Variants in ALMS1 observed in about 807,000 individuals in gnomAD.
ALMS1 encodes the protein centrosome-associated protein ALMS1.
Under a neutral mutation model 352.2 loss-of-function variants are expected in ALMS1, and 271 were observed. That is an observed-to-expected ratio of 0.77 (90% CI 0.70 to 0.85). ALMS1 has a LOEUF of 0.85. Among genes scored for constraint, ALMS1 ranks in the 40% least tolerant of loss-of-function variants. The pLI, the probability that ALMS1 is intolerant of heterozygous loss-of-function variation, is 0.00. For missense variants in ALMS1, 5,445 were observed against 4,870.7 expected (o/e 1.12, Z -3.51); for synonymous variants, 1,865 against 1,761.2 (o/e 1.06, Z -1.48).
At chr2:73,576,651 A>G (rs1227293362) in intron 16 of ALMS1, among the ~76,000 whole-genome samples, 10 of 144,936 alleles carry the variant, frequency 6.9e-5, no homozygotes, top group Non-Finnish European at 6.0e-5. Flanking sequence ...ACAGAGTTTC[A>G]CTCTTGTTGC....
chr2:73,393,226 A>T (rs538267617), intron 1 of ALMS1, among the ~76,000 whole-genome samples: 1 of 152,228 alleles, frequency 6.6e-6, no homozygotes, highest in African/African-American at 2.4e-5. Flanking sequence ...TTGACAAGAT[A>T]CAGTCCCTTG....
At chr2:73,487,582 G>A (rs1672879146) in intron 9 of ALMS1, among the ~76,000 whole-genome samples, 2 of 152,148 alleles carry the variant, frequency 1.3e-5, no homozygotes, top group African/African-American at 4.8e-5. Flanking sequence ...CTTGTTCCCT[G>A]CAACATGGCA....
At chr2:73,607,642 A>T (rs990147436) in intron 21 of ALMS1, among the ~76,000 whole-genome samples, 14 of 150,332 alleles carry the variant, frequency 9.3e-5, no homozygotes, top group Admixed American at 4.6e-4. Flanking sequence ...TTATTTTTTT[A>T]TTATTATTAT....
chr2:73,521,313 G>C (rs1219381366), intron 11 of ALMS1, among the ~76,000 whole-genome samples: 1 of 151,994 alleles, frequency 6.6e-6, no homozygotes, highest in Non-Finnish European at 1.5e-5. Flanking sequence ...GACTTTGGCT[G>C]GGCTGGCTGT....
At chr2:73,416,743 T>C (rs1309444457) in intron 2 of ALMS1, among the ~76,000 whole-genome samples, 1 of 152,016 alleles carries the variant, frequency 6.6e-6, no homozygotes, top group Non-Finnish European at 1.5e-5. Context: ...AAAGTTGCTG[T>C]CAATATAATG....
At position 73,490,238 on chromosome 2, in the gene ALMS1, C is replaced by G. The variant is rs754707930; in HGVS notation, c.8279C>G (p.Pro2760Arg). 2 of 1,614,074 alleles carry G rather than the reference C, an allele frequency of 1.2e-6. No individual in the cohort carries two copies. The highest frequency in any genetic ancestry group is 1.7e-6 in the Non-Finnish European group (2 of 1,180,004). The change falls in exon 10 of 23, where the codon CCT (proline) becomes CGT (arginine). Residue 2760 changes from proline to arginine, a missense_variant. Coordinates refer to ENST00000613296, the MANE Select transcript of ALMS1 (RefSeq NM_001378454.1). Reference protein sequence around the residue: ...FNSHFTEEQNPPRDLKQKTSS... With the variant: ...FNSHFTEEQNRPRDLKQKTSS... ...TCTCATTTCACTGAAGAACAAAATCCTCCCAGAGATCTTAAACAGAAAACC... is the reference window on the plus strand; with the variant it reads ...TCTCATTTCACTGAAGAACAAAATCGTCCCAGAGATCTTAAACAGAAAACC...
chr2:73,609,218 G>A (rs1416768349), intron 22 of ALMS1, among the ~76,000 whole-genome samples: 1 of 152,200 alleles, frequency 6.6e-6, no homozygotes. Flanking sequence ...TCTGGAGCAG[G>A]CCCCAGAACC....
intron 12 of ALMS1, among the ~76,000 whole-genome samples, chr2:73,546,631 C>T (rs964658662): frequency 7.2e-5 from 11 of 152,080 alleles, no homozygotes; most frequent in Admixed American, 2.0e-4. Flanking sequence ...TTTTGTTTTA[C>T]GAACTTATGA....
intron 12 of ALMS1, among the ~76,000 whole-genome samples, chr2:73,544,820 A>G (rs1674278631): frequency 1.3e-5 from 2 of 152,228 alleles, no homozygotes; most frequent in Admixed American, 6.5e-5. Context: ...CTATTGATCT[A>G]TGAATGGATA....
At chr2:73,434,647 T>G (rs1572921185) in intron 7 of ALMS1, among the ~76,000 whole-genome samples, 1 of 152,234 alleles carries the variant, frequency 6.6e-6, no homozygotes, top group African/African-American at 2.4e-5. Flanking sequence ...GTCTTCTGAC[T>G]AGCTGTTTTC....
chr2:73,491,154 T>C lies in ALMS1; in HGVS notation c.9195T>C (p.Asp3065=), dbSNP rs1019479968. The C allele has an allele frequency of 1.2e-6, 2 of 1,614,200 alleles. No homozygotes were observed. Among genetic ancestry groups the C allele is most frequent in the Admixed American group, 3.3e-5 (2 of 60,026 alleles). ...CCAAGTTGGATAGTGGAACTTTAGATGAAAGATTCCATTCATTGGATGCTG... is the reference window on the plus strand; with the variant it reads ...CCAAGTTGGATAGTGGAACTTTAGACGAAAGATTCCATTCATTGGATGCTG... ...TSSKLDSGTL[D]ERFHSLDAAS... is the part of the protein sequence containing the mutation. The change falls in exon 10 of 23, where the codon GAT becomes GAC. Residue 3065 remains aspartate, a synonymous_variant. Coordinates refer to ENST00000613296, the MANE Select transcript of ALMS1 (RefSeq NM_001378454.1).
intron 2 of ALMS1, among the ~76,000 whole-genome samples, chr2:73,417,791 TATC>T (rs2103697807): frequency 6.6e-6 from 1 of 152,320 alleles, no homozygotes; most frequent in South Asian, 2.1e-4. Flanking sequence ...AATACTTTCA[TATC>T]ATGATAGACT....
At chr2:73,461,461 A>C (rs986188114) in intron 9 of ALMS1, among the ~76,000 whole-genome samples, 1 of 152,366 alleles carries the variant, frequency 6.6e-6, no homozygotes, top group Non-Finnish European at 1.5e-5. Flanking sequence ...TCTGTACGTC[A>C]CCATCATCAA....
chr2:73,521,285 A>T (rs951865828), intron 11 of ALMS1, among the ~76,000 whole-genome samples: 2 of 152,136 alleles, frequency 1.3e-5, no homozygotes, highest in Non-Finnish European at 2.9e-5. Flanking sequence ...TCTTACTCAC[A>T]GGCTTATGGG....
chr2:73,544,163 A>C (rs1243548135), intron 12 of ALMS1, among the ~76,000 whole-genome samples: 1 of 152,212 alleles, frequency 6.6e-6, no homozygotes, highest in African/African-American at 2.4e-5. Flanking sequence ...TGGCACATAT[A>C]CACCATGGAA....
At chr2:73,566,770 C>G (rs1220437378) in intron 15 of ALMS1, among the ~76,000 whole-genome samples, 2 of 152,202 alleles carry the variant, frequency 1.3e-5, no homozygotes, top group Non-Finnish European at 1.5e-5. Context: ...GCTTGGCCTC[C>G]TATACTTCTG....
At chr2:73,518,384 TG>T (rs1673603185) in intron 10 of ALMS1, among the ~76,000 whole-genome samples, 1 of 152,210 alleles carries the variant, frequency 6.6e-6, no homozygotes, top group African/African-American at 2.4e-5. Context: ...GCATTTAGGT[TG>T]ATTCATGTCT....
Position 73,451,346 on chromosome 2 carries a change from A to C in ALMS1, c.4819A>C (p.Lys1607Gln). Residue 1607 changes from lysine to glutamine, a missense_variant, in exon 8 of 23, where the codon AAG becomes CAG. Transcript: ENST00000613296. Reference sequence around the variant, plus strand: ...CATTGTTTCTGGACCTACTGAAAAAAAGACTGACATACCAGCAGGACCTTT... The same window carrying C: ...CATTGTTTCTGGACCTACTGAAAAACAGACTGACATACCAGCAGGACCTTT... ...VSIVSGPTEKKTDIPAGPLGS... is the reference protein window; with the variant it reads ...VSIVSGPTEKQTDIPAGPLGS... The C allele has an allele frequency of 6.2e-7, 1 of 1,614,016 alleles. No homozygotes were observed. Among genetic ancestry groups the C allele is most frequent in the Non-Finnish European group, 8.5e-7 (1 of 1,179,982 alleles).
chr2:73,580,101 A>T (rs1296140016), intron 16 of ALMS1, among the ~76,000 whole-genome samples: 3 of 151,786 alleles, frequency 2.0e-5, no homozygotes, highest in Non-Finnish European at 4.4e-5. Flanking sequence ...ATTTTTTTAG[A>T]GTAGGGTTTC....
Sources: gnomAD v4.1 joint callset for allele counts (sites outside exome capture counted in the v4.1 genomes callset) on GRCh38, gnomAD v4.1.1 for gene constraint, MANE v1.5 for transcripts, NCBI Gene and HGNC (gene_info 2026-07-23, HGNC 2026-07-21) for gene names.